RCVRN: variants seen among roughly 807,000 people sequenced by gnomAD.
The protein encoded by RCVRN is recoverin.
In RCVRN, 23 loss-of-function variants were observed where a neutral mutation model predicts 20.4. The ratio of observed to expected loss-of-function variants is 1.13; its 90% CI spans 0.81 to 1.60. The LOEUF is 1.60. Ranked by LOEUF, RCVRN falls within the 40% of genes most tolerant of loss-of-function variation. The probability of loss-of-function intolerance (pLI) is 0.00; values close to 1 mark genes in which losing one functional copy is unlikely to be tolerated. For synonymous variants in RCVRN, 105 were observed against 105.9 expected, an observed-to-expected ratio of 0.99 and a Z score of 0.05; for missense variants, 254 against 254.2, an observed-to-expected ratio of 1.00 and a Z score of 0.00.
In RCVRN at chr17:9,904,682, G is replaced by A. The variant is rs2067355366; in HGVS notation, c.381+118C>T. The A allele has an allele frequency of 2.5e-6, 3 of 1,182,010 alleles. No individual in the cohort carries two copies. The highest frequency in any genetic ancestry group is 3.6e-6 in the Non-Finnish European group (3 of 829,758). The allele number at this position is 1,182,010 out of a possible 1,614,324, so 73.2% of individuals were successfully genotyped here. A position where few individuals can be genotyped will look rare whatever the true frequency, so the allele number is the denominator to read the frequency against. On this transcript the variant is annotated intron_variant, in intron 1 of 2. Transcript: ENST00000226193. This position sits in a 1 kb window ranked among gnomAD's most constrained non-coding sequence, Gnocchi z 5.8. Reference sequence around the variant, plus strand: ...GGAGCACCACGCTCTCAGAGCCAGTGGCCCGCATCCCCCGCTCCACCCACA... The same window carrying A: ...GGAGCACCACGCTCTCAGAGCCAGTAGCCCGCATCCCCCGCTCCACCCACA...
Position 9,896,526 on chromosome 17 carries a change from G to A in RCVRN, c.*1569C>T, listed in dbSNP as rs1284866354. On this transcript the variant is annotated 3_prime_UTR_variant, in exon 3 of 3. Coordinates refer to ENST00000226193, the MANE Select transcript of RCVRN (RefSeq NM_002903.3). The stretch of plus-strand genomic sequence containing the variant: ...CATGCATTTTTCTGACCTCATCTTG[G>A]AACTTGAGGCTGGAGAATAAATGGG... 1 of 152,180 alleles carries A rather than the reference G, an allele frequency of 6.6e-6. No homozygotes were observed. The highest frequency in any genetic ancestry group is 1.5e-5 in the Non-Finnish European group (1 of 68,036). 9.4% of individuals were successfully genotyped at this position (152,180 alleles called of 1,614,324 possible).
chr17:9,904,731 G>A lies in RCVRN; in HGVS notation c.381+69C>T. On this transcript the variant is annotated intron_variant, in intron 1 of 2. Coordinates refer to ENST00000226193, the MANE Select transcript of RCVRN (RefSeq NM_002903.3). This position sits in a 1 kb window ranked among gnomAD's most constrained non-coding sequence, Gnocchi z 5.8. ...CAGATCCACTCCCTCTGCAGCAGCTGCAGCAGGGGACCCCCAGCCCGGAGC... is the reference window on the plus strand; with the variant it reads ...CAGATCCACTCCCTCTGCAGCAGCTACAGCAGGGGACCCCCAGCCCGGAGC... The A allele has an allele frequency of 6.5e-7, 1 of 1,540,290 alleles. No individual in the cohort carries two copies. The highest frequency in any genetic ancestry group is 8.8e-7 in the Non-Finnish European group (1 of 1,133,396).
At position 9,897,988 on chromosome 17, in the gene RCVRN, GT is replaced by G; in HGVS notation, c.*106del. 1 of 737,972 alleles carries G rather than the reference GT, an allele frequency of 1.4e-6. No individual in the cohort carries two copies. Among genetic ancestry groups the G allele is most frequent in the Admixed American group, 1.9e-5 (1 of 53,408 alleles). 45.7% of individuals were successfully genotyped at this position (737,972 alleles called of 1,614,324 possible). A position where few individuals can be genotyped will look rare whatever the true frequency, so the allele number is the denominator to read the frequency against. On this transcript the variant is annotated 3_prime_UTR_variant, in exon 3 of 3. Coordinates refer to ENST00000226193, the MANE Select transcript of RCVRN (RefSeq NM_002903.3). ...TCTCTTGGCCCTGGGGTGGATGTGT[GT>G]GTGTGTGTGTGCGCGCGCGTGTGTG... is the stretch of plus-strand genomic sequence containing the variant.
chr17:9,897,991 T>TGC lies in RCVRN; in HGVS notation c.*103_*104insGC. 1 of 744,166 alleles carries TGC rather than the reference T, an allele frequency of 1.3e-6. No individual in the cohort carries two copies. Among genetic ancestry groups the TGC allele is most frequent in the Non-Finnish European group, 2.4e-6 (1 of 409,150 alleles). The allele number at this position is 744,166 out of a possible 1,614,324, so 46.1% of individuals were successfully genotyped here. On this transcript the variant is annotated 3_prime_UTR_variant, in exon 3 of 3. Coordinates refer to ENST00000226193, the MANE Select transcript of RCVRN (RefSeq NM_002903.3). ...CTTGGCCCTGGGGTGGATGTGTGTGTGTGTGTGTGCGCGCGCGTGTGTGTG... is the reference window on the plus strand; with the variant it reads ...CTTGGCCCTGGGGTGGATGTGTGTGTGCGTGTGTGTGCGCGCGCGTGTGTGTG...
intron 1 of RCVRN, among the ~76,000 whole-genome samples, chr17:9,901,507 A>G (rs111243246): frequency 7.6e-6 from 1 of 132,174 alleles, no homozygotes; most frequent in African/African-American, 2.5e-5. Context: ...ATGGCTGTGA[A>G]ATTATCCTGG....
intron 1 of RCVRN, among the ~76,000 whole-genome samples, chr17:9,903,198 G>T (rs6503266): frequency 0.65 from 98,246 of 152,128 alleles, 32,740 homozygotes; most frequent in African/African-American, 0.8. Flanking sequence ...AGAGGCAATT[G>T]TTAGTCTCTT....
intron 2 of RCVRN, among the ~76,000 whole-genome samples, chr17:9,898,611 G>C (rs1409273776): frequency 2.6e-5 from 4 of 152,164 alleles, no homozygotes; most frequent in Non-Finnish European, 5.9e-5. Flanking sequence ...GGAGCTTCTG[G>C]GGGTCTGAGC....
At chr17:9,898,256 C>G (rs746866860) in intron 2 of RCVRN, 52 bp from the exon 3 acceptor site, 2 of 1,126,108 alleles carry the variant, frequency 1.8e-6, no homozygotes, top group South Asian at 2.5e-5. Flanking sequence ...GGATTGATAG[C>G]CAAGTGAGCT....
At position 9,899,704 on chromosome 17, in the gene RCVRN, C is replaced by G. The variant is rs78953494; in HGVS notation, c.493+1285G>C. On this transcript the variant is annotated intron_variant, in intron 2 of 2. Coordinates refer to ENST00000226193, the MANE Select transcript of RCVRN (RefSeq NM_002903.3). The surrounding 1 kb of genome is among the most constrained non-coding windows in gnomAD (Gnocchi z 4.6). ...GAAAGGTGGGTAAAGTACCAAGGCG[C>G]GAATTTAAGGAGGCGCTCACTTTCA... Among the ~76,000 whole-genome samples, 1 of 152,108 alleles carries G rather than the reference C, an allele frequency of 6.6e-6. No individual in the cohort carries two copies. The highest frequency in any genetic ancestry group is 6.5e-5 in the Admixed American group (1 of 15,288).
rs752566286 is a variant in RCVRN, at chr17:9,901,091, T to C, written c.391A>G (p.Lys131Glu). Reference sequence around the variant, plus strand: ...TTCACGTCCTCGGGAGTGATCATTTTGAAAATAGCCTGTACCAAACAGAAA... The same window carrying C: ...TTCACGTCCTCGGGAGTGATCATTTCGAAAATAGCCTGTACCAAACAGAAA... Reference protein sequence around the residue: ...EVLEIVMAIFKMITPEDVKLL... With the variant: ...EVLEIVMAIFEMITPEDVKLL... Residue 131 changes from lysine (K) to glutamate (E), a missense_variant, in exon 2 of 3, where the codon AAA becomes GAA. By Grantham distance (56) the Lys-to-Glu change is moderately conservative. Coordinates refer to ENST00000226193, the MANE Select transcript of RCVRN (RefSeq NM_002903.3). 1.9e-6 allele frequency: 3 copies of C among 1,596,264 alleles called. No homozygotes were observed. Among genetic ancestry groups the C allele is most frequent in the Non-Finnish European group, 2.6e-6 (3 of 1,165,588 alleles).
In RCVRN at chr17:9,898,129, G is replaced by C. The variant is rs370311018; in HGVS notation, c.569C>G (p.Pro190Arg). 5 of 1,613,752 alleles carry C rather than the reference G, an allele frequency of 3.1e-6. No homozygotes were observed. Among genetic ancestry groups the C allele is most frequent in the Non-Finnish European group, 4.2e-6 (5 of 1,179,834 alleles). The part of the protein sequence containing the change: ...KEILRLIQFE[P>R]QKVKEKMKNA ...CTTCATCTTTTCCTTCACTTTTTGAGGCTCAAACTGGATCAGTCGCAGAAT... is the reference window on the plus strand; with the variant it reads ...CTTCATCTTTTCCTTCACTTTTTGACGCTCAAACTGGATCAGTCGCAGAAT... Residue 190 changes from proline (P) to arginine (R), a missense_variant, in exon 3 of 3, where the codon CCT becomes CGT. Pro to Arg is a moderately radical substitution (Grantham distance 103). Coordinates refer to ENST00000226193, the MANE Select transcript of RCVRN (RefSeq NM_002903.3).
rs1356780662 is a variant in RCVRN at position 9,896,604 on chromosome 17, G to A, written c.*1491C>T. 2.0e-5 allele frequency: 3 copies of A among 152,224 alleles called. No individual in the cohort carries two copies. The highest frequency in any genetic ancestry group is 7.2e-5 in the African/African-American group (3 of 41,448). The allele number at this position is 152,224 out of a possible 1,614,324, so 9.4% of individuals were successfully genotyped here. A position where few individuals can be genotyped will look rare whatever the true frequency, so the allele number is the denominator to read the frequency against. ...TGGAGAATGCACTGATGGAGTTCCT[G>A]GGTATCCCAGGCCCTGGAGCTTTGA... On this transcript the variant is annotated 3_prime_UTR_variant, in exon 3 of 3. Transcript: ENST00000226193.
rs138674735 is a variant in RCVRN at position 9,903,026 on chromosome 17, G to A, written c.381+1774C>T. On this transcript the variant is annotated intron_variant, in intron 1 of 2. Coordinates refer to ENST00000226193, the MANE Select transcript of RCVRN (RefSeq NM_002903.3). ...AAAGTGTTTTGGAAGAATATGTAAT[G>A]ATATGGAAAGCACTCATGATAAAAG... is the stretch of plus-strand genomic sequence containing the variant. 2.2e-4 allele frequency among the ~76,000 whole-genome samples: 34 copies of A among 152,232 alleles called. No homozygotes were observed. In the East Asian group the frequency reaches 5.4e-3, roughly 24 times the overall value.
intron 2 of RCVRN, among the ~76,000 whole-genome samples, chr17:9,900,128 C>T (rs1172203014): frequency 6.6e-6 from 1 of 152,176 alleles, no homozygotes; most frequent in Non-Finnish European, 1.5e-5. Flanking sequence ...GAGGTGCACC[C>T]TCTGCTGTTT....
In RCVRN at chr17:9,905,156, G is replaced by A. The variant is rs2067358402; in HGVS notation, c.25C>T (p.Leu9=). 6.2e-7 allele frequency: 1 copy of A among 1,610,362 alleles called. No homozygotes were observed. The highest frequency in any genetic ancestry group is 1.1e-5 in the South Asian group (1 of 90,302). The change falls in exon 1 of 3, where the codon CTG becomes TTG. Residue 9 remains leucine (L), a synonymous_variant. Transcript: ENST00000226193. MGNSKSGA[L]SKEILEELQL... Reference sequence around the variant, plus strand: ...AGCTCCTCCAGGATCTCCTTGGACAGGGCCCCACTTTTGCTGTTCCCCATG... The same window carrying A: ...AGCTCCTCCAGGATCTCCTTGGACAAGGCCCCACTTTTGCTGTTCCCCATG...
Position 9,904,834 on chromosome 17 carries a change from G to C in RCVRN, c.347C>G (p.Thr116Ser). 1.2e-6 allele frequency: 2 copies of C among 1,614,174 alleles called. No homozygotes were observed. Among genetic ancestry groups the C allele is most frequent in the Middle Eastern group, 3.3e-4 (2 of 6,058 alleles). The change falls in exon 1 of 3, where the codon ACC becomes AGC. Residue 116 changes from threonine to serine, a missense_variant. Thr to Ser is a moderately conservative substitution (Grantham distance 58). Coordinates refer to ENST00000226193, the MANE Select transcript of RCVRN (RefSeq NM_002903.3). The surrounding 1 kb of genome is among the most constrained non-coding windows in gnomAD (Gnocchi z 5.8). ...CTCCAGCACTTCATTCTTGCTGATG[G>C]TCCCGTTACCGTCCACGTCGTAGAG... ...FSLYDVDGNG[T>S]ISKNEVLEIV... is the part of the protein sequence containing the mutation.
chr17:9,900,414 C>T (rs920697654), intron 2 of RCVRN, among the ~76,000 whole-genome samples: 2 of 151,922 alleles, frequency 1.3e-5, no homozygotes, highest in African/African-American at 2.4e-5. Context: ...GACACCCCAT[C>T]GACTCTGTCA....
intron 2 of RCVRN, 99 bp downstream of exon 2, chr17:9,900,890 T>C (rs2067338524): frequency 2.6e-6 from 2 of 755,108 alleles, no homozygotes; most frequent in Non-Finnish European, 4.6e-6. Context: ...TCCCCCATCC[T>C]GCCTGGACAC....
At chr17:9,900,195 C>A (rs1342592300) in intron 2 of RCVRN, among the ~76,000 whole-genome samples, 1 of 152,156 alleles carries the variant, frequency 6.6e-6, no homozygotes, top group East Asian at 1.9e-4. Context: ...ATCATTCCTG[C>A]CCCTCCAGCC....
Sources: allele counts gnomAD v4.1 joint callset (sites outside exome capture counted in the v4.1 genomes callset), GRCh38; gene constraint gnomAD v4.1.1; non-coding constraint Gnocchi (gnomAD v3.1); transcripts MANE v1.5; gene names NCBI Gene and HGNC (gene_info 2026-07-23, HGNC 2026-07-21).